Variants in HYCC1 observed in about 807,000 individuals in gnomAD.
HYCC1 encodes the protein hyccin PI4KA lipid kinase complex subunit 1, also known as hyccin.
the HYCC1 span, among the ~76,000 whole-genome samples, chr7:22,969,554 T>C: frequency 1.3e-5 from 2 of 149,600 alleles, no homozygotes; most frequent in Non-Finnish European, 3.0e-5. Context: ...GGAATCTCAC[T>C]CTGTCGCCCA....
chr7:22,924,536 T>TCCCGCACATGGCTCCGAGGGTCCTACA, the HYCC1 span, among the ~76,000 whole-genome samples: 1 of 152,210 alleles, frequency 6.6e-6, no homozygotes, highest in Non-Finnish European at 1.5e-5. Context: ...GGAGATTATA[T>TCCCGCACATGGCTCCGAGGGTCCTACA]CCCGCACATG....
chr7:22,943,303 C>T, the HYCC1 span: 22 of 152,024 alleles, frequency 1.4e-4, no homozygotes, highest in Non-Finnish European at 2.6e-4. Flanking sequence ...GCTGTGAGAC[C>T]ACTGGGAATT....
chr7:22,961,254 A>G, the HYCC1 span: 1 of 1,607,682 alleles, frequency 6.2e-7, no homozygotes, highest in Non-Finnish European at 8.5e-7. Flanking sequence ...CTCTGGATAT[A>G]ATTCTAGCTG....
At chr7:22,908,444 A>T in the HYCC1 span, among the ~76,000 whole-genome samples, 9 of 152,220 alleles carry the variant, frequency 5.9e-5, no homozygotes, top group South Asian at 1.9e-3. Flanking sequence ...TTTTGGTTTT[A>T]TTATGCCTCT....
chr7:22,905,022 C>T, the HYCC1 span, among the ~76,000 whole-genome samples: 4 of 151,948 alleles, frequency 2.6e-5, no homozygotes, highest in African/African-American at 9.7e-5. Flanking sequence ...TAGAGTATCA[C>T]ACAGCAAGAA....
chr7:22,989,610 T>C, the HYCC1 span, among the ~76,000 whole-genome samples: 98,740 of 151,718 alleles, frequency 0.65, 32,109 homozygotes, highest in Non-Finnish European at 0.66. Flanking sequence ...CTTCCATCTC[T>C]GCCTCTCAAA....
At chr7:22,916,465 T>C in the HYCC1 span, among the ~76,000 whole-genome samples, 2 of 152,188 alleles carry the variant, frequency 1.3e-5, no homozygotes, top group Non-Finnish European at 2.9e-5. Context: ...TCCCAACCTT[T>C]TTCATTACAC....
the HYCC1 span, among the ~76,000 whole-genome samples, chr7:22,995,752 A>C: frequency 6.6e-6 from 1 of 152,172 alleles, no homozygotes; most frequent in South Asian, 2.1e-4. Flanking sequence ...CAGGAGGTAG[A>C]GCTTAGTCCT....
At chr7:22,949,244 A>G in the HYCC1 span, among the ~76,000 whole-genome samples, 13 of 152,086 alleles carry the variant, frequency 8.5e-5, no homozygotes, top group African/African-American at 2.9e-4. Flanking sequence ...AAAACAATCT[A>G]TTAGTGAGCC....
the HYCC1 span, among the ~76,000 whole-genome samples, chr7:22,953,621 A>G: frequency 1.3e-5 from 2 of 151,870 alleles, no homozygotes; most frequent in Non-Finnish European, 2.9e-5. Flanking sequence ...CAAACATATC[A>G]ATGTATTTCA....
At chr7:23,002,428 T>A in the HYCC1 span, among the ~76,000 whole-genome samples, 7 of 152,010 alleles carry the variant, frequency 4.6e-5, no homozygotes, top group Non-Finnish European at 8.8e-5. Flanking sequence ...TTTTCTACCA[T>A]GAAGAAGCAA....
chr7:22,978,165 G>T, the HYCC1 span: 1 of 1,030,182 alleles, frequency 9.7e-7, no homozygotes, highest in Non-Finnish European at 1.5e-6. Flanking sequence ...GTCATTTGGT[G>T]TATGAAAAAA....
chr7:22,978,589 T>C, the HYCC1 span: 1 of 712,450 alleles, frequency 1.4e-6, no homozygotes, highest in Non-Finnish European at 2.4e-6. Context: ...AGGGAGTTTC[T>C]TCCTAAAATA....
chr7:22,924,353 C>T, the HYCC1 span, among the ~76,000 whole-genome samples: 3 of 152,040 alleles, frequency 2.0e-5, no homozygotes, highest in African/African-American at 4.8e-5. Context: ...GTGGGTGCAG[C>T]GCACTGTGTG....
the HYCC1 span, among the ~76,000 whole-genome samples, chr7:22,909,998 C>T: frequency 6.6e-6 from 1 of 152,106 alleles, no homozygotes; most frequent in Admixed American, 6.6e-5. Context: ...GAATTACATA[C>T]GGACATGACT....
chr7:23,003,756 T>A, the HYCC1 span, among the ~76,000 whole-genome samples: 3 of 152,186 alleles, frequency 2.0e-5, no homozygotes, highest in Admixed American at 2.0e-4. Flanking sequence ...CAGCCTTTAA[T>A]GAGGTCTGCC....
chr7:23,013,818 C>G, the HYCC1 span: 2 of 406,910 alleles, frequency 4.9e-6, no homozygotes, highest in Non-Finnish European at 1.0e-5. Flanking sequence ...GACAAAGTCC[C>G]GGTCCTGTCC....
At chr7:22,934,727 T>A in the HYCC1 span, 1 of 152,226 alleles carries the variant, frequency 6.6e-6, no homozygotes, top group African/African-American at 2.4e-5. Flanking sequence ...ATCCTTTGCC[T>A]GTGGAATCAC....
chr7:22,946,448 G>A, the HYCC1 span, among the ~76,000 whole-genome samples: 34 of 152,122 alleles, frequency 2.2e-4, no homozygotes, highest in African/African-American at 8.2e-4. Context: ...TCATGCAAAA[G>A]ATAAGAAACA....
Sources: gnomAD v4.1 joint callset for allele counts (sites outside exome capture counted in the v4.1 genomes callset) on GRCh38, gnomAD v4.1.1 for gene constraint, MANE v1.5 for transcripts, NCBI Gene and HGNC (gene_info 2026-07-23, HGNC 2026-07-21) for gene names.